The following SBF1 variants were observed in gnomAD, a reference collection of about 807,000 sequenced individuals.
SBF1 encodes the protein myotubularin-related protein 5.
SBF1 carries 65 observed loss-of-function variants against 215.8 expected under a neutral mutation model. The observed-to-expected ratio is 0.30, with a 90% CI of 0.25 to 0.37. The LOEUF is 0.37. Among genes scored for constraint, SBF1 ranks in the 10% least tolerant of loss-of-function variants. The probability of loss-of-function intolerance (pLI) is 1.00; values close to 1 mark genes in which losing one functional copy is unlikely to be tolerated. For synonymous variants in SBF1, 1,410 were observed against 1,122.8 expected, an observed-to-expected ratio of 1.26 and a Z score of -5.11; for missense variants, 2,634 against 2,667.8, an observed-to-expected ratio of 0.99 and a Z score of 0.28.
intron 36 of SBF1, among the ~76,000 whole-genome samples, chr22:50,452,564 C>CA (rs1206331329): frequency 6.6e-6 from 1 of 151,142 alleles, no homozygotes; most frequent in Non-Finnish European, 1.5e-5. Flanking sequence ...ACTAAAAATA[C>CA]AAAAAAAATT....
chr22:50,465,877 G>A (rs1289409179), intron 9 of SBF1, 37 bp from the exon 10 acceptor site: 1 of 1,611,788 alleles, frequency 6.2e-7, no homozygotes, highest in Non-Finnish European at 8.5e-7. Context: ...CTGCACGCTG[G>A]CCCCGGCTCT....
At chr22:50,455,821 C>T (rs528802112) in intron 31 of SBF1, 42 of 558,132 alleles carry the variant, frequency 7.5e-5, no homozygotes, top group Non-Finnish European at 7.5e-5. Context: ...GACTGAGGGA[C>T]GTCCCTGTCC....
At chr22:50,447,640 G>T in intron 38 of SBF1, 31 bp from the exon 39 acceptor site, 1 of 1,525,810 alleles carries the variant, frequency 6.6e-7, no homozygotes, top group South Asian at 1.1e-5. Context: ...GGGCCAGGCT[G>T]ACCGTCATGG....
At chr22:50,467,226 G>C in intron 5 of SBF1, 112 bp downstream of exon 5, 1 of 844,166 alleles carries the variant, frequency 1.2e-6, no homozygotes. Context: ...ACGCAAGAGG[G>C]AGCATCCAAG....
At chr22:50,467,303 T>C in intron 5 of SBF1, 35 bp downstream of exon 5, 1 of 1,565,128 alleles carries the variant, frequency 6.4e-7, no homozygotes. Flanking sequence ...GGAGGGCCTG[T>C]GGCTGTGCAG....
At chr22:50,468,829 GCCC>G in intron 1 of SBF1, among the ~76,000 whole-genome samples, 1 of 151,946 alleles carries the variant, frequency 6.6e-6, no homozygotes, top group African/African-American at 2.4e-5. Context: ...TAGGCTCTCG[GCCC>G]CCCAACAGTG....
intron 1 of SBF1, among the ~76,000 whole-genome samples, chr22:50,473,629 G>A (rs143229588): frequency 2.0e-5 from 3 of 152,106 alleles, no homozygotes; most frequent in Non-Finnish European, 2.9e-5. Flanking sequence ...AGTGTAGGGG[G>A]GTGTCCAGCA....
In SBF1 at chr22:50,464,568, C is replaced by T; in HGVS notation, c.1602G>A (p.Glu534=). The T allele has an allele frequency of 6.2e-7, 1 of 1,612,088 alleles. No homozygotes were observed. The highest frequency in any genetic ancestry group is 2.2e-5 in the East Asian group (1 of 44,870). The change falls in exon 14 of 41, where the codon GAG becomes GAA. Residue 534 remains glutamate, a synonymous_variant. Transcript: ENST00000380817. The part of the protein sequence containing the change: ...MQGAPPAVKA[E]RRTTVPSGPP... Reference sequence around the variant, plus strand: ...GCCCTGAGGGCACGGTGGTCCTCCTCTCGGCCTTCACAGCTGGGGGTGCAC... The same window carrying T: ...GCCCTGAGGGCACGGTGGTCCTCCTTTCGGCCTTCACAGCTGGGGGTGCAC...
chr22:50,447,491 C>T (rs753090804), intron 39 of SBF1, 31 bp downstream of exon 39: 20 of 1,609,426 alleles, frequency 1.2e-5, no homozygotes, highest in Admixed American at 3.3e-5. Flanking sequence ...CCCCCTCCCC[C>T]GTGAGTCCCC....
rs377196799 is a variant in SBF1 at position 50,457,041 on chromosome 22, T to C, written c.3897A>G (p.Ala1299=). 9 of 1,431,500 alleles carry C rather than the reference T, an allele frequency of 6.3e-6. No individual in the cohort carries two copies. Among genetic ancestry groups the C allele is most frequent in the Non-Finnish European group, 8.2e-6 (9 of 1,095,270 alleles). The allele number at this position is 1,431,500 out of a possible 1,614,324, so 88.7% of individuals were successfully genotyped here. Residue 1299 remains alanine (A), a synonymous_variant, in exon 29 of 41, where the codon GCA becomes GCG. Coordinates refer to ENST00000380817, the MANE Select transcript of SBF1 (RefSeq NM_002972.4). The part of the protein sequence containing the change: ...PMAASASRRT[A]PRGKWGSVRT... ...GCAGGCTCGGTACGGTACCTCGGGG[T>C]GCGGTCCGTCTGGAGGCCGAGGCCG...
chr22:50,468,552 C>G lies in SBF1; in HGVS notation c.56-91G>C, dbSNP rs1406755850. The G allele has an allele frequency of 3.6e-6, 3 of 830,070 alleles. No individual in the cohort carries two copies. In the African/African-American group the frequency reaches 5.4e-5, roughly 15 times the overall value. The allele number at this position is 830,070 out of a possible 1,614,324, so 51.4% of individuals were successfully genotyped here. A position where few individuals can be genotyped will look rare whatever the true frequency, so the allele number is the denominator to read the frequency against. On this transcript the variant is annotated intron_variant, in intron 1 of 40. Transcript: ENST00000380817. ...CCCAGGGTGGAAACATTCCCACCCACTGGGCCCTCATCTGGCACCAGATCA... is the reference window on the plus strand; with the variant it reads ...CCCAGGGTGGAAACATTCCCACCCAGTGGGCCCTCATCTGGCACCAGATCA...
chr22:50,445,928 GACC>G lies in SBF1; in HGVS notation c.*1211_*1213del, dbSNP rs1569507065. ...CTGCTGCTCGCCTCCCACCTGAGAG[GACC>G]ACCTGAGGGACCCAGCCTCTAGCCA... On this transcript the variant is annotated 3_prime_UTR_variant, in exon 41 of 41. Transcript: ENST00000380817. The G allele has an allele frequency of 8.8e-6, 1 of 113,544 alleles. No individual in the cohort carries two copies. The highest frequency in any genetic ancestry group is 1.9e-5 in the Non-Finnish European group (1 of 52,770). The allele number at this position is 113,544 out of a possible 1,614,324, so 7.0% of individuals were successfully genotyped here.
rs1250761219 is a variant in SBF1, at chr22:50,474,947, G to T, written c.-107C>A. On this transcript the variant is annotated 5_prime_UTR_variant, in exon 1 of 41. Coordinates refer to ENST00000380817, the MANE Select transcript of SBF1 (RefSeq NM_002972.4). ...CCCCGGCCCTGGACCGCGCACCCCGGACACCCCTGGTTCGCTCCGCGGCGG... is the reference window on the plus strand; with the variant it reads ...CCCCGGCCCTGGACCGCGCACCCCGTACACCCCTGGTTCGCTCCGCGGCGG... The T allele has an allele frequency of 9.2e-6, 7 of 764,382 alleles. No individual in the cohort carries two copies. The Admixed American group carries it at 1.9e-4, about 20-fold the overall frequency. The allele number at this position is 764,382 out of a possible 1,614,324, so 47.3% of individuals were successfully genotyped here.
chr22:50,468,015 G>A (rs893680152), intron 2 of SBF1, 92 bp from the exon 3 acceptor site: 52 of 1,489,342 alleles, frequency 3.5e-5, no homozygotes, highest in Admixed American at 1.9e-4. Context: ...CAGGCCTGGA[G>A]GCTCCAACAC....
intron 37 of SBF1, 33 bp from the exon 38 acceptor site, chr22:50,448,477 C>T (rs368528457): frequency 6.8e-6 from 11 of 1,609,846 alleles, no homozygotes; most frequent in Middle Eastern, 3.3e-4. Context: ...TGGGTCAGGG[C>T]TGGACAGACT....
chr22:50,467,260 G>A, intron 5 of SBF1, 78 bp downstream of exon 5: 1 of 1,206,514 alleles, frequency 8.3e-7, no homozygotes, highest in Non-Finnish European at 1.2e-6. Context: ...TGTGGCTCTG[G>A]CTGGGCTCCA....
intron 3 of SBF1, 27 bp downstream of exon 3, chr22:50,467,759 T>G (rs1394294066): frequency 6.2e-7 from 1 of 1,613,176 alleles, no homozygotes; most frequent in African/African-American, 1.3e-5. Context: ...GCTTCATTCA[T>G]GCTGTACCCA....
chr22:50,458,553 C>A (rs1030325285), intron 28 of SBF1, among the ~76,000 whole-genome samples: 2 of 152,008 alleles, frequency 1.3e-5, no homozygotes, highest in Non-Finnish European at 2.9e-5. Context: ...CAAGACAGGG[C>A]GATTGTAAAA....
In SBF1 at chr22:50,462,021, C is replaced by T. The variant is rs772050135; in HGVS notation, c.2495G>A (p.Arg832His). Residue 832 changes from arginine to histidine, a missense_variant, in exon 20 of 41, where the codon CGC becomes CAC. By Grantham distance (29) the Arg-to-His change is conservative. Transcript: ENST00000380817. ...VAGAVVRFIN[R>H]FVDKVCTESG... ...CTCCGTGCAGACCTTGTCCACAAAGCGGTTGATGAAGCGGACCACAGCCCC... is the reference window on the plus strand; with the variant it reads ...CTCCGTGCAGACCTTGTCCACAAAGTGGTTGATGAAGCGGACCACAGCCCC... 32 of 1,614,102 alleles carry T rather than the reference C, an allele frequency of 2.0e-5. No individual in the cohort carries two copies. The highest frequency in any genetic ancestry group is 2.5e-5 in the Non-Finnish European group (30 of 1,180,050).
Sources: gnomAD v4.1 joint callset for allele counts (sites outside exome capture counted in the v4.1 genomes callset) on GRCh38, gnomAD v4.1.1 for gene constraint, MANE v1.5 for transcripts, NCBI Gene and HGNC (gene_info 2026-07-23, HGNC 2026-07-21) for gene names.